SGCZ: variants seen among roughly 807,000 people sequenced by gnomAD.
SGCZ encodes sarcoglycan zeta.
Under a neutral mutation model 41.3 loss-of-function variants are expected in SGCZ, and 40 were observed. The observed-to-expected ratio is 0.97, with a 90% CI of 0.75 to 1.26. SGCZ has a LOEUF of 1.26. Among genes scored for constraint, SGCZ ranks in the 50% most tolerant of loss-of-function variants. The pLI is 0.00. For synonymous variants in SGCZ, 206 were observed against 137.5 expected, an observed-to-expected ratio of 1.50 and a Z score of -3.49; for missense variants, 552 against 369.8, an observed-to-expected ratio of 1.49 and a Z score of -4.04.
Position 14,888,118 on chromosome 8 carries a change from G to A in SGCZ, c.40-333192C>T, listed in dbSNP as rs182206742. Among the ~76,000 whole-genome samples, 282 of 152,170 alleles carry A rather than the reference G, an allele frequency of 1.9e-3. 1 individual carries two copies. The highest frequency in any genetic ancestry group is 6.5e-3 in the African/African-American group (270 of 41,550). The stretch of plus-strand genomic sequence containing the variant: ...TGTCAAGATGTAATAAAATAAAAAA[G>A]TAGACAAAGAATATAAACTGAGCAT... On this transcript the variant is annotated intron_variant, in intron 1 of 7. Transcript: ENST00000382080.
At chr8:14,177,243 A>T (rs1804570829) in intron 4 of SGCZ, among the ~76,000 whole-genome samples, 1 of 152,120 alleles carries the variant, frequency 6.6e-6, no homozygotes, top group Admixed American at 6.5e-5. Context: ...GATATTAACC[A>T]TAAGAATACC....
At chr8:14,361,104 C>T (rs1175707761) in intron 2 of SGCZ, among the ~76,000 whole-genome samples, 1 of 152,188 alleles carries the variant, frequency 6.6e-6, no homozygotes, top group African/African-American at 2.4e-5. Flanking sequence ...AATGTCTCTT[C>T]ATGTCTTGGA....
intron 1 of SGCZ, among the ~76,000 whole-genome samples, chr8:14,797,019 T>C (rs1178449452): frequency 6.6e-6 from 1 of 152,196 alleles, no homozygotes; most frequent in Non-Finnish European, 1.5e-5. Context: ...CTTTTATTTA[T>C]AAATTACCCA....
At chr8:14,146,871 C>CAA (rs66592259) in intron 5 of SGCZ, among the ~76,000 whole-genome samples, 47 of 74,854 alleles carry the variant, frequency 6.3e-4, no homozygotes, top group East Asian at 3.1e-3. Flanking sequence ...GACTCCGTCT[C>CAA]AAAAAATAAA....
At chr8:14,322,419 C>T (rs1289971497) in intron 3 of SGCZ, among the ~76,000 whole-genome samples, 1 of 152,016 alleles carries the variant, frequency 6.6e-6, no homozygotes, top group Admixed American at 6.6e-5. Context: ...CAAGTGGCTC[C>T]ACCTCACACG....
rs1800100499 is a variant in SGCZ at position 14,272,629 on chromosome 8, A to T, written c.337-34950T>A. Reference sequence around the variant, plus strand: ...ACTGCTGTATGGTACCTCCTTTCAAACTTAAACGTGTCCTGGTGTGTAGAA... The same window carrying T: ...ACTGCTGTATGGTACCTCCTTTCAATCTTAAACGTGTCCTGGTGTGTAGAA... On this transcript the variant is annotated intron_variant, in intron 3 of 7. Transcript: ENST00000382080. 1.3e-5 allele frequency among the ~76,000 whole-genome samples: 2 copies of T among 152,148 alleles called. 1 individual carries two copies. The highest frequency in any genetic ancestry group is 4.1e-4 in the South Asian group (2 of 4,830).
intron 3 of SGCZ, among the ~76,000 whole-genome samples, chr8:14,281,917 T>G (rs1800456892): frequency 6.6e-6 from 1 of 152,096 alleles, no homozygotes; most frequent in South Asian, 2.1e-4. Flanking sequence ...ATAATTATTT[T>G]TCTTATTTTT....
chr8:14,177,286 T>C (rs1804571829), intron 4 of SGCZ, among the ~76,000 whole-genome samples: 2 of 152,156 alleles, frequency 1.3e-5, no homozygotes, highest in South Asian at 4.1e-4. Context: ...GGCTGGCTAC[T>C]GAGAGCAGGG....
intron 1 of SGCZ, among the ~76,000 whole-genome samples, chr8:14,643,595 G>C (rs1807098126): frequency 6.6e-6 from 1 of 151,224 alleles, no homozygotes; most frequent in Non-Finnish European, 1.5e-5. Context: ...GGATGATAAT[G>C]ACTCCACCTC....
At chr8:14,438,028 T>A (rs73188363) in intron 2 of SGCZ, among the ~76,000 whole-genome samples, 1,895 of 152,090 alleles carry the variant, frequency 0.012, 24 homozygotes, top group East Asian at 0.074. Context: ...CATTAAGCCA[T>A]AAACTACTTT....
intron 3 of SGCZ, among the ~76,000 whole-genome samples, chr8:14,296,605 G>A (rs56754306): frequency 0.019 from 2,961 of 152,124 alleles, 50 homozygotes; most frequent in Non-Finnish European, 0.028. Flanking sequence ...TATACTATTG[G>A]AAGGTTCGTA....
intron 1 of SGCZ, chr8:14,879,839 T>C (rs1274806451): frequency 6.6e-6 from 1 of 150,538 alleles, no homozygotes; most frequent in East Asian, 1.9e-4. Flanking sequence ...TTAGGTTTTT[T>C]TTGTTTTTTT....
intron 1 of SGCZ, among the ~76,000 whole-genome samples, chr8:15,080,225 AT>A (rs908984351): frequency 2.2e-4 from 33 of 149,740 alleles, no homozygotes; most frequent in Non-Finnish European, 3.7e-4. Context: ...TTCCAATAGA[AT>A]TTTTTTTTTA....
chr8:14,455,705 C>G (rs574927920), intron 2 of SGCZ, among the ~76,000 whole-genome samples: 5 of 152,222 alleles, frequency 3.3e-5, no homozygotes, highest in Non-Finnish European at 5.9e-5. Flanking sequence ...ATGCAAATGA[C>G]CATACTTAGG....
At chr8:14,945,395 A>G (rs924841752) in intron 1 of SGCZ, among the ~76,000 whole-genome samples, 2 of 152,074 alleles carry the variant, frequency 1.3e-5, no homozygotes, top group African/African-American at 4.8e-5. Context: ...ATTATAACTT[A>G]TAAGGTTGTG....
At chr8:14,930,156 C>A (rs1216170754) in intron 1 of SGCZ, among the ~76,000 whole-genome samples, 3 of 151,954 alleles carry the variant, frequency 2.0e-5, no homozygotes, top group African/African-American at 7.3e-5. Context: ...AAACAAACAA[C>A]CCCATCAAAA....
intron 2 of SGCZ, among the ~76,000 whole-genome samples, chr8:14,515,785 C>G (rs1308865865): frequency 1.3e-5 from 2 of 152,076 alleles, no homozygotes; most frequent in African/African-American, 4.8e-5. Flanking sequence ...AGCCAATTTT[C>G]TAGCACCTTT....
chr8:15,193,594 G>T lies in SGCZ; in HGVS notation c.39+43991C>A, dbSNP rs1256279471. ...CAATGCCCACAACCAAGAGATGGTAGAATAAAGAATTTCAACTCAGTTAGT... is the reference window on the plus strand; with the variant it reads ...CAATGCCCACAACCAAGAGATGGTATAATAAAGAATTTCAACTCAGTTAGT... On this transcript the variant is annotated intron_variant, in intron 1 of 7. Coordinates refer to ENST00000382080, the MANE Select transcript of SGCZ (RefSeq NM_139167.4). Among the ~76,000 whole-genome samples the T allele has an allele frequency of 1.3e-5, 2 of 152,012 alleles. 1 individual carries two copies. The highest frequency in any genetic ancestry group is 4.8e-5 in the African/African-American group (2 of 41,304).
At chr8:14,654,598 G>C (rs867015313) in intron 1 of SGCZ, among the ~76,000 whole-genome samples, 1 of 152,012 alleles carries the variant, frequency 6.6e-6, no homozygotes, top group Non-Finnish European at 1.5e-5. Context: ...TTGAGACAGA[G>C]TCTCGCTCTG....
Sources: gnomAD v4.1 joint callset for allele counts (sites outside exome capture counted in the v4.1 genomes callset) on GRCh38, gnomAD v4.1.1 for gene constraint, MANE v1.5 for transcripts, NCBI Gene and HGNC (gene_info 2026-07-23, HGNC 2026-07-21) for gene names.